The following MED13 variants were observed in gnomAD, a reference collection of about 807,000 sequenced individuals.
MED13 encodes the protein mediator of RNA polymerase II transcription subunit 13.
A neutral mutation model predicts 225.2 loss-of-function variants in MED13; 23 were observed. That is an observed-to-expected ratio of 0.10 (90% CI 0.07 to 0.14). MED13 has a LOEUF of 0.14. Among genes scored for constraint, MED13 ranks in the 10% least tolerant of loss-of-function variants. The pLI, the probability that MED13 is intolerant of heterozygous loss-of-function variation, is 1.00. For synonymous variants in MED13, 942 were observed against 889.2 expected (o/e 1.06, Z -1.06); for missense variants, 2,197 against 2,594.5 (o/e 0.85, Z 3.33).
At chr17:62,059,314 C>A (rs746248174) in intron 2 of MED13, among the ~76,000 whole-genome samples, 9 of 152,084 alleles carry the variant, frequency 5.9e-5, no homozygotes, top group Non-Finnish European at 1.2e-4. Flanking sequence ...ACTGAATATT[C>A]CAGTTAAGAA....
chr17:61,961,195 G>A, intron 22 of MED13, 105 bp from the exon 23 acceptor site: 1 of 1,061,750 alleles, frequency 9.4e-7, no homozygotes, highest in Non-Finnish European at 1.3e-6. Context: ...ATTGGAAAAT[G>A]ACAGCTAAGC....
chr17:62,005,854 A>AGTC (rs2080441985), intron 9 of MED13: 1 of 152,198 alleles, frequency 6.6e-6, no homozygotes, highest in Admixed American at 6.6e-5. Flanking sequence ...CTGGTTCACC[A>AGTC]GTCGTCAGGC....
At chr17:61,986,425 G>C (rs1044030521) in intron 12 of MED13, among the ~76,000 whole-genome samples, 8 of 152,148 alleles carry the variant, frequency 5.3e-5, no homozygotes, top group Non-Finnish European at 1.0e-4. Flanking sequence ...TAATTTGACA[G>C]AGACTTGACA....
intron 16 of MED13, among the ~76,000 whole-genome samples, chr17:61,978,023 T>C (rs1020527050): frequency 6.6e-6 from 1 of 152,222 alleles, no homozygotes; most frequent in African/African-American, 2.4e-5. Flanking sequence ...TAAAGCTCAA[T>C]ATTTTCCATT....
At chr17:62,000,337 T>C (rs1295787198) in intron 9 of MED13, among the ~76,000 whole-genome samples, 1 of 152,222 alleles carries the variant, frequency 6.6e-6, no homozygotes, top group Non-Finnish European at 1.5e-5. Context: ...TTGCATTGTA[T>C]ATCTACTCTA....
intron 8 of MED13, among the ~76,000 whole-genome samples, chr17:62,025,118 C>T (rs766446376): frequency 2.0e-5 from 3 of 152,068 alleles, no homozygotes; most frequent in Non-Finnish European, 2.9e-5. Context: ...TTCTTTTAGT[C>T]TTAGACCAGG....
chr17:62,048,041 T>C (rs921713217), intron 3 of MED13, among the ~76,000 whole-genome samples: 3 of 116,696 alleles, frequency 2.6e-5, no homozygotes, highest in African/African-American at 6.7e-5. Context: ...CATATACATA[T>C]ACATATATAT....
At chr17:61,983,858 A>G (rs2080225938) in intron 15 of MED13, among the ~76,000 whole-genome samples, 1 of 151,520 alleles carries the variant, frequency 6.6e-6, no homozygotes, top group South Asian at 2.1e-4. Context: ...CCTCCCAAGT[A>G]GCTGGGACTA....
chr17:62,057,162 T>C (rs923767607), intron 2 of MED13, among the ~76,000 whole-genome samples: 1 of 152,172 alleles, frequency 6.6e-6, no homozygotes, highest in Admixed American at 6.5e-5. Context: ...ATGTAACATA[T>C]GCTAATGAAT....
At chr17:62,025,037 G>T (rs1357316454) in intron 8 of MED13, among the ~76,000 whole-genome samples, 17 of 152,058 alleles carry the variant, frequency 1.1e-4, no homozygotes, top group Admixed American at 1.1e-3. Context: ...TATTCCTCTG[G>T]GTATATATAT....
At chr17:61,946,896 T>G in intron 29 of MED13, 21 bp downstream of exon 29, 3 of 1,567,552 alleles carry the variant, frequency 1.9e-6, no homozygotes, top group South Asian at 1.1e-5. Context: ...TGACAAACTG[T>G]TAATGGTAAA....
At chr17:61,948,817 T>C (rs1388576526) in intron 28 of MED13, among the ~76,000 whole-genome samples, 1 of 151,080 alleles carries the variant, frequency 6.6e-6, no homozygotes, top group East Asian at 2.0e-4. Flanking sequence ...CCGGGCGCGG[T>C]GGCTCACGCC....
chr17:61,958,836 T>G (rs1338699924), intron 23 of MED13, among the ~76,000 whole-genome samples: 1 of 152,134 alleles, frequency 6.6e-6, no homozygotes, highest in Non-Finnish European at 1.5e-5. Context: ...TCAATTTACA[T>G]GTAATACCTC....
At chr17:61,978,226 T>C (rs536624965) in intron 16 of MED13, among the ~76,000 whole-genome samples, 59 of 151,972 alleles carry the variant, frequency 3.9e-4, no homozygotes, top group African/African-American at 1.3e-3. Context: ...CTCAGGCTCA[T>C]TGCAACCTCC....
chr17:61,970,377 G>A (rs368340041), intron 17 of MED13, among the ~76,000 whole-genome samples: 1 of 152,082 alleles, frequency 6.6e-6, no homozygotes, highest in East Asian at 1.9e-4. Context: ...TAACTGGTGG[G>A]AATTCAAACT....
chr17:61,992,643 T>C (rs1176809327), intron 10 of MED13, 22 bp from the exon 11 acceptor site: 7 of 1,497,584 alleles, frequency 4.7e-6, no homozygotes, highest in Non-Finnish European at 9.3e-7. Context: ...TATTTCATGT[T>C]AGGCTGAAAT....
chr17:62,020,332 G>T, intron 8 of MED13, among the ~76,000 whole-genome samples: 1 of 151,800 alleles, frequency 6.6e-6, no homozygotes, highest in Non-Finnish European at 1.5e-5. Context: ...TTTTACATAT[G>T]AATACATCAT....
chr17:61,956,908 G>A (rs1363850237), intron 23 of MED13, among the ~76,000 whole-genome samples: 1 of 152,046 alleles, frequency 6.6e-6, no homozygotes, highest in Non-Finnish European at 1.5e-5. Context: ...AAACCTTTAC[G>A]TAAGTCCTAA....
intron 11 of MED13, among the ~76,000 whole-genome samples, chr17:61,990,550 A>G (rs1409788532): frequency 2.0e-5 from 3 of 150,712 alleles, no homozygotes; most frequent in South Asian, 4.2e-4. Context: ...AAATATATAT[A>G]TATTTTTTAG....
Sources: gnomAD v4.1 joint callset for allele counts (sites outside exome capture counted in the v4.1 genomes callset) on GRCh38, gnomAD v4.1.1 for gene constraint, MANE v1.5 for transcripts, NCBI Gene and HGNC (gene_info 2026-07-23, HGNC 2026-07-21) for gene names.